Variants in NUBPL observed in about 807,000 individuals in gnomAD.
NUBPL encodes iron-sulfur cluster transfer protein NUBPL.
A neutral mutation model predicts 45.7 loss-of-function variants in NUBPL; 31 were observed. The observed-to-expected ratio is 0.68, with a 90% CI of 0.51 to 0.92. The LOEUF is 0.92. Ranked by LOEUF, NUBPL falls within the 40% of genes least tolerant of loss-of-function variation. The pLI, the probability that NUBPL is intolerant of heterozygous loss-of-function variation, is 0.00. For synonymous variants in NUBPL, 144 were observed against 140.9 expected, an observed-to-expected ratio of 1.02 and a Z score of -0.15; for missense variants, 401 against 398.7, an observed-to-expected ratio of 1.01 and a Z score of -0.05.
intron 4 of NUBPL, among the ~76,000 whole-genome samples, chr14:31,650,192 T>C (rs2035961771): frequency 6.6e-6 from 1 of 152,092 alleles, no homozygotes; most frequent in Admixed American, 6.5e-5. Context: ...TGATAAGACA[T>C]GAATTAGTTT....
chr14:31,591,121 T>C (rs2034131091), intron 3 of NUBPL, among the ~76,000 whole-genome samples: 1 of 152,190 alleles, frequency 6.6e-6, no homozygotes. Flanking sequence ...TAAAAAATTT[T>C]CTTCTTTTTG....
At chr14:31,639,742 C>G (rs867989114) in intron 4 of NUBPL, among the ~76,000 whole-genome samples, 11 of 152,326 alleles carry the variant, frequency 7.2e-5, no homozygotes, top group Non-Finnish European at 1.0e-4. Context: ...CCACCCAGTT[C>G]GAGCTTCCTG....
At chr14:31,799,804 G>T (rs1412602929) in intron 7 of NUBPL, among the ~76,000 whole-genome samples, 2 of 152,162 alleles carry the variant, frequency 1.3e-5, no homozygotes, top group Admixed American at 1.3e-4. Flanking sequence ...CGGTTGGAGT[G>T]GCTGCGACAT....
intron 6 of NUBPL, among the ~76,000 whole-genome samples, chr14:31,767,834 G>A (rs1470744859): frequency 1.3e-5 from 2 of 152,108 alleles, no homozygotes; most frequent in Non-Finnish European, 2.9e-5. Flanking sequence ...CCATGATGGT[G>A]CCACTGCACT....
chr14:31,809,049 G>A (rs542005694), intron 7 of NUBPL, among the ~76,000 whole-genome samples: 1 of 151,158 alleles, frequency 6.6e-6, no homozygotes, highest in African/African-American at 2.4e-5. Flanking sequence ...TTGCATCGAT[G>A]TTCATCAGGG....
chr14:31,565,972 T>C (rs947433691), intron 3 of NUBPL, among the ~76,000 whole-genome samples: 6 of 152,144 alleles, frequency 3.9e-5, no homozygotes, highest in African/African-American at 1.4e-4. Context: ...ATTCAACTTA[T>C]TTGCAACTCC....
intron 7 of NUBPL, among the ~76,000 whole-genome samples, chr14:31,798,301 T>TG (rs1364126633): frequency 9.1e-6 from 1 of 109,966 alleles, no homozygotes; most frequent in East Asian, 2.4e-4. Context: ...TATTTATTTA[T>TG]GGTTTTTTTT....
Position 31,836,211 on chromosome 14 carries a change from C to T in NUBPL, c.693+9497C>T, listed in dbSNP as rs568727591. Among the ~76,000 whole-genome samples the T allele has an allele frequency of 5.1e-4, 78 of 152,252 alleles. No homozygotes were observed. The South Asian group carries it at 0.015, about 29-fold the overall frequency. ...TCTGAGCCAGTGATGGATTGGAATA[C>T]TGCAAAAATCACACGCAAAAAGGTT... On this transcript the variant is annotated intron_variant, in intron 8 of 10. Coordinates refer to ENST00000281081, the MANE Select transcript of NUBPL (RefSeq NM_025152.3).
intron 6 of NUBPL, among the ~76,000 whole-genome samples, chr14:31,770,489 A>G (rs1248943195): frequency 6.6e-6 from 1 of 152,196 alleles, no homozygotes; most frequent in East Asian, 1.9e-4. Flanking sequence ...CTGAAAAGAC[A>G]TCTCAAAAGG....
At chr14:31,670,538 A>G (rs1266716140) in intron 4 of NUBPL, among the ~76,000 whole-genome samples, 1 of 152,032 alleles carries the variant, frequency 6.6e-6, no homozygotes, top group Non-Finnish European at 1.5e-5. Context: ...TTGTCATGAA[A>G]TCTTTGCCCA....
intron 3 of NUBPL, among the ~76,000 whole-genome samples, chr14:31,573,184 T>G (rs1371911597): frequency 1.3e-5 from 2 of 152,190 alleles, no homozygotes; most frequent in Non-Finnish European, 2.9e-5. Context: ...GTGCTGTCAC[T>G]AGGCAATGGG....
chr14:31,590,254 T>C (rs2034107173), intron 3 of NUBPL, among the ~76,000 whole-genome samples: 3 of 152,086 alleles, frequency 2.0e-5, no homozygotes. Context: ...AGAACAATCC[T>C]TTTTTTAAAA....
chr14:31,590,511 C>A (rs1442722206), intron 3 of NUBPL, among the ~76,000 whole-genome samples: 3 of 152,298 alleles, frequency 2.0e-5, no homozygotes, highest in Middle Eastern at 3.4e-3. Context: ...ATCAAGTGCT[C>A]TGTTCATATC....
chr14:31,842,694 T>C (rs927432143), intron 8 of NUBPL, among the ~76,000 whole-genome samples: 3 of 152,158 alleles, frequency 2.0e-5, no homozygotes, highest in African/African-American at 7.2e-5. Context: ...CCCAGACAGG[T>C]CTTGAACTTC....
At chr14:31,824,454 C>T (rs1313860986) in intron 7 of NUBPL, among the ~76,000 whole-genome samples, 1 of 152,078 alleles carries the variant, frequency 6.6e-6, no homozygotes, top group Non-Finnish European at 1.5e-5. Flanking sequence ...GTTTATAGCT[C>T]ATATTGTATA....
chr14:31,620,317 C>T (rs180707361), intron 4 of NUBPL, among the ~76,000 whole-genome samples: 2 of 152,116 alleles, frequency 1.3e-5, no homozygotes, highest in South Asian at 2.1e-4. Flanking sequence ...GTTTTGTTCC[C>T]TTGCTTGCAA....
chr14:31,783,734 T>A lies in NUBPL; in HGVS notation c.514-4046T>A, dbSNP rs528126601. Among the ~76,000 whole-genome samples, 15 of 152,282 alleles carry A rather than the reference T, an allele frequency of 9.9e-5. No individual in the cohort carries two copies. The South Asian group carries it at 3.1e-3, about 32-fold the overall frequency. ...GGTTTCACCATGTTGGCTAGGCTGG[T>A]CTCAAACTCCTGACCTCAAGTGATA... On this transcript the variant is annotated intron_variant, in intron 6 of 10. Transcript: ENST00000281081.
intron 7 of NUBPL, among the ~76,000 whole-genome samples, chr14:31,813,613 T>A (rs2039858745): frequency 6.6e-6 from 1 of 151,750 alleles, no homozygotes; most frequent in African/African-American, 2.4e-5. Context: ...GATATACATG[T>A]ACCATGGTGG....
At chr14:31,788,455 T>C (rs1264259792) in intron 7 of NUBPL, among the ~76,000 whole-genome samples, 1 of 152,212 alleles carries the variant, frequency 6.6e-6, no homozygotes, top group Non-Finnish European at 1.5e-5. Context: ...GACTAGTTCT[T>C]GCCACAGTTT....
Sources: gnomAD v4.1 joint callset for allele counts (sites outside exome capture counted in the v4.1 genomes callset) on GRCh38, gnomAD v4.1.1 for gene constraint, MANE v1.5 for transcripts, NCBI Gene and HGNC (gene_info 2026-07-23, HGNC 2026-07-21) for gene names.